RANBP2: variants seen among roughly 807,000 people sequenced by gnomAD.
The protein encoded by RANBP2 is E3 SUMO-protein ligase RanBP2.
Under a neutral mutation model 303.6 loss-of-function variants are expected in RANBP2, and 57 were observed. The ratio of observed to expected loss-of-function variants is 0.19; its 90% CI spans 0.15 to 0.23. The LOEUF is 0.23. RANBP2 is among the 10% of genes least tolerant of loss of function. RANBP2 has a pLI of 1.00. For missense variants in RANBP2, 3,138 were observed against 3,780.8 expected (o/e 0.83, Z 4.46); for synonymous variants, 1,167 against 1,301.5 (o/e 0.90, Z 2.23).
the RANBP2 span, among the ~76,000 whole-genome samples, chr2:108,950,384 G>A: frequency 6.6e-6 from 1 of 152,128 alleles, no homozygotes; most frequent in African/African-American, 2.4e-5. Flanking sequence ...AAGAGTAGCT[G>A]GGAGTACAGG....
At chr2:109,423,852 C>G in the RANBP2 span, among the ~76,000 whole-genome samples, 9 of 152,138 alleles carry the variant, frequency 5.9e-5, no homozygotes, top group Non-Finnish European at 1.0e-4. Context: ...TCATCCCCAC[C>G]CCTGCCGCCT....
At chr2:109,394,982 G>A in the RANBP2 span, among the ~76,000 whole-genome samples, 1 of 152,274 alleles carries the variant, frequency 6.6e-6, no homozygotes, top group Non-Finnish European at 1.5e-5. Context: ...ACAAGGATGT[G>A]TGTGGCCGGT....
chr2:109,459,976 C>G, the RANBP2 span, among the ~76,000 whole-genome samples: 2 of 152,118 alleles, frequency 1.3e-5, no homozygotes, highest in African/African-American at 4.8e-5. Flanking sequence ...GAATATTGTC[C>G]CAGCCCTGCA....
the RANBP2 span, among the ~76,000 whole-genome samples, chr2:108,860,935 C>CTTGTTTTTTTTTTTT: frequency 2.6e-5 from 1 of 37,914 alleles, no homozygotes; most frequent in Non-Finnish European, 4.4e-5. Flanking sequence ...TGGTCCAGGA[C>CTTGTTTTTTTTTTTT]TTTTTTTTTT....
chr2:109,387,237 C>T, the RANBP2 span, among the ~76,000 whole-genome samples: 2 of 152,200 alleles, frequency 1.3e-5, no homozygotes, highest in African/African-American at 4.8e-5. Flanking sequence ...AGAATATTCT[C>T]ATAACATGAT....
At chr2:108,873,705 C>T in the RANBP2 span, 2 of 632,216 alleles carry the variant, frequency 3.2e-6, no homozygotes, top group Non-Finnish European at 2.6e-6. Flanking sequence ...GAAGAATTGC[C>T]TTGTGCCACA....
the RANBP2 span, among the ~76,000 whole-genome samples, chr2:108,886,220 G>A: frequency 6.6e-6 from 1 of 152,156 alleles, no homozygotes; most frequent in Non-Finnish European, 1.5e-5. Flanking sequence ...CTCACCAACA[G>A]TGGGTAAGAA....
chr2:109,371,726 C>G, the RANBP2 span: 1 of 1,546,214 alleles, frequency 6.5e-7, no homozygotes, highest in Non-Finnish European at 8.9e-7. Flanking sequence ...TCTTGCCCAC[C>G]CTTGTTTCAC....
chr2:109,724,484 C>T, the RANBP2 span, among the ~76,000 whole-genome samples: 1 of 152,102 alleles, frequency 6.6e-6, no homozygotes, highest in African/African-American at 2.4e-5. Flanking sequence ...CTCCATCAAT[C>T]CTTCTCTTAT....
chr2:109,506,621 AC>A, the RANBP2 span, among the ~76,000 whole-genome samples: 2 of 152,322 alleles, frequency 1.3e-5, no homozygotes, highest in South Asian at 4.1e-4. Context: ...CTGGATCCTT[AC>A]AACAGCCCCC....
the RANBP2 span, among the ~76,000 whole-genome samples, chr2:109,508,755 C>T: frequency 6.6e-6 from 1 of 152,170 alleles, no homozygotes; most frequent in African/African-American, 2.4e-5. Flanking sequence ...TGAGCAGTCA[C>T]AGATGAATGT....
At chr2:109,060,346 G>T in the RANBP2 span, among the ~76,000 whole-genome samples, 4 of 152,170 alleles carry the variant, frequency 2.6e-5, no homozygotes, top group Non-Finnish European at 4.4e-5. Flanking sequence ...GTCTGCTCCA[G>T]GTTGGGCTGG....
chr2:109,177,822 T>G, the RANBP2 span, among the ~76,000 whole-genome samples: 16 of 152,362 alleles, frequency 1.1e-4, no homozygotes, highest in East Asian at 3.1e-3. Flanking sequence ...TTGTTTGATT[T>G]ATTCTGGCCA....
At chr2:109,603,342 C>T in the RANBP2 span, among the ~76,000 whole-genome samples, 4 of 152,008 alleles carry the variant, frequency 2.6e-5, no homozygotes, top group African/African-American at 9.7e-5. Flanking sequence ...TCACGCCATT[C>T]TCCTGCCTCA....
chr2:109,062,992 C>T, the RANBP2 span, among the ~76,000 whole-genome samples: 10 of 152,322 alleles, frequency 6.6e-5, no homozygotes, highest in Admixed American at 3.9e-4. Flanking sequence ...CCAGGGCCTA[C>T]GGCCTCAGGA....
At chr2:109,508,474 C>T in the RANBP2 span, among the ~76,000 whole-genome samples, 7 of 152,150 alleles carry the variant, frequency 4.6e-5, no homozygotes, top group Admixed American at 1.3e-4. Flanking sequence ...CAAAAGCACG[C>T]GTCTTCCGAG....
chr2:109,328,441 C>T, the RANBP2 span, among the ~76,000 whole-genome samples: 2 of 152,326 alleles, frequency 1.3e-5, no homozygotes, highest in East Asian at 1.9e-4. Flanking sequence ...CTCCCCTGCT[C>T]CTCCATTCCC....
At chr2:109,626,506 GC>G in the RANBP2 span, among the ~76,000 whole-genome samples, 1 of 151,702 alleles carries the variant, frequency 6.6e-6, no homozygotes, top group African/African-American at 2.4e-5. Flanking sequence ...ACAAACAAAT[GC>G]CCCTGAGAAG....
At chr2:109,031,187 T>C in the RANBP2 span, among the ~76,000 whole-genome samples, 1 of 152,100 alleles carries the variant, frequency 6.6e-6, no homozygotes, top group African/African-American at 2.4e-5. Context: ...TAAATAGCCA[T>C]TTCCTTTTCA....
Sources: allele counts gnomAD v4.1 joint callset (sites outside exome capture counted in the v4.1 genomes callset), GRCh38; gene constraint gnomAD v4.1.1; transcripts MANE v1.5; gene names NCBI Gene and HGNC (gene_info 2026-07-23, HGNC 2026-07-21).